DARS1: variants seen among roughly 807,000 people sequenced by gnomAD.
DARS1 encodes the protein aspartate--tRNA ligase, cytoplasmic.
In DARS1, 51 loss-of-function variants were observed where a neutral mutation model predicts 68.8. The ratio of observed to expected loss-of-function variants is 0.74; its 90% CI spans 0.59 to 0.94. The LOEUF (loss-of-function observed/expected upper bound fraction) is 0.94. Ranked by LOEUF, DARS1 falls within the 40% of genes least tolerant of loss-of-function variation. The pLI is 0.00. For synonymous variants in DARS1, 203 were observed against 190.4 expected (o/e 1.07, Z -0.55); for missense variants, 607 against 597.3 (o/e 1.02, Z -0.17).
At chr2:135,978,785 G>A (rs957557108) in intron 3 of DARS1, among the ~76,000 whole-genome samples, 1 of 152,110 alleles carries the variant, frequency 6.6e-6, no homozygotes, top group African/African-American at 2.4e-5. Context: ...CTAGTGTGAC[G>A]GAATTACTGA....
At chr2:135,914,540 G>GAAACA in intron 11 of DARS1, 29 bp from the exon 12 acceptor site, 2 of 1,224,346 alleles carry the variant, frequency 1.6e-6, no homozygotes, top group Non-Finnish European at 2.4e-6. Context: ...ATCAGTGTTT[G>GAAACA]AAGATCAAAT....
At chr2:135,960,434 A>G (rs982590544) in intron 4 of DARS1, among the ~76,000 whole-genome samples, 2 of 152,206 alleles carry the variant, frequency 1.3e-5, no homozygotes, top group Admixed American at 6.5e-5. Context: ...ATTGAATTAG[A>G]TAATTTTTAA....
At chr2:135,909,471 C>T (rs1388799704) in intron 15 of DARS1, among the ~76,000 whole-genome samples, 1 of 152,062 alleles carries the variant, frequency 6.6e-6, no homozygotes, top group Non-Finnish European at 1.5e-5. Context: ...ATCTTGCATA[C>T]CTATATTTTT....
At chr2:135,933,360 A>G (rs527640760) in intron 6 of DARS1, among the ~76,000 whole-genome samples, 3 of 152,368 alleles carry the variant, frequency 2.0e-5, no homozygotes, top group African/African-American at 4.8e-5. Context: ...GATGTGTATT[A>G]TCACAATAGA....
intron 3 of DARS1, among the ~76,000 whole-genome samples, chr2:135,977,019 G>C (rs1390171273): frequency 6.6e-6 from 1 of 152,078 alleles, no homozygotes. Flanking sequence ...CTTATTATGT[G>C]TTGTGTACCA....
At position 135,985,469 on chromosome 2, in the gene DARS1, C is replaced by CGGGACACGGAACTGGGCAG; in HGVS notation, c.-20_-2dup. ...TGCGGCTGGCGCTGGCGCTGGGCATCGGGACACGGAACTGGGCAGTGGACA... is the reference window on the plus strand; with the variant it reads ...TGCGGCTGGCGCTGGCGCTGGGCATCGGGACACGGAACTGGGCAGGGGACACGGAACTGGGCAGTGGACA... On this transcript the variant is annotated 5_prime_UTR_variant, in exon 1 of 16. Coordinates refer to ENST00000264161, the MANE Select transcript of DARS1 (RefSeq NM_001349.4). 6.2e-7 allele frequency: 1 copy of CGGGACACGGAACTGGGCAG among 1,613,948 alleles called. No individual in the cohort carries two copies. The highest frequency in any genetic ancestry group is 8.5e-7 in the Non-Finnish European group (1 of 1,179,952).
chr2:135,985,067 G>T (rs1210491680), intron 1 of DARS1: 2 of 362,588 alleles, frequency 5.5e-6, no homozygotes, highest in African/African-American at 2.0e-5. Flanking sequence ...TTTTCCCAGG[G>T]ATTGTGCATT....
chr2:135,966,634 T>G (rs1457769840), intron 3 of DARS1, among the ~76,000 whole-genome samples: 1 of 152,140 alleles, frequency 6.6e-6, no homozygotes, highest in Non-Finnish European at 1.5e-5. Flanking sequence ...TGGGTTCAAG[T>G]GATTCTCCTG....
chr2:135,985,085 G>A (rs745655330), intron 1 of DARS1: 6 of 434,486 alleles, frequency 1.4e-5, no homozygotes, highest in South Asian at 8.1e-5. Context: ...ATTACGTGCA[G>A]GACGTGCCTA....
chr2:135,907,261 T>TTTTTTTTTTTTTTGGG lies in DARS1; in HGVS notation c.*54_*55insCCCAAAAAAAAAAAAA. 1.1e-6 allele frequency: 1 copy of TTTTTTTTTTTTTTGGG among 889,240 alleles called. No homozygotes were observed. The highest frequency in any genetic ancestry group is 1.7e-6 in the Non-Finnish European group (1 of 601,876). The allele number at this position is 889,240 out of a possible 1,614,324, so 55.1% of individuals were successfully genotyped here. ...GGCTTTCTTTTTTTTTTTTTTTTTT[T>TTTTTTTTTTTTTTGGG]GAGGCAGGGTCTCGCTCTGTCATCC... On this transcript the variant is annotated 3_prime_UTR_variant, in exon 16 of 16. Transcript: ENST00000264161.
In DARS1 at chr2:135,942,539, G is replaced by A. The variant is rs1055911652; in HGVS notation, c.423+839C>T. On this transcript the variant is annotated intron_variant, in intron 5 of 15. Transcript: ENST00000264161. Reference sequence around the variant, plus strand: ...GGAGGGGGGAGGGACAGCATCAGGAGATATACCTAATGTAAATGACGAGTT... The same window carrying A: ...GGAGGGGGGAGGGACAGCATCAGGAAATATACCTAATGTAAATGACGAGTT... Among the ~76,000 whole-genome samples the A allele has an allele frequency of 3.3e-5, 5 of 151,322 alleles. No homozygotes were observed. The East Asian group carries it at 9.7e-4, about 29-fold the overall frequency.
chr2:135,960,700 T>C, intron 4 of DARS1, among the ~76,000 whole-genome samples: 1 of 151,944 alleles, frequency 6.6e-6, no homozygotes, highest in East Asian at 1.9e-4. Flanking sequence ...AAAAAAAACA[T>C]GAAACAAAAT....
rs746447025 is a variant in DARS1, at chr2:135,985,552, A to C, written c.-84T>G. Reference sequence around the variant, plus strand: ...CCAAAGGGGCTTCTCCCTCCCTCCCAGTCTCCGCCCTCCCGACCCTGGGGT... The same window carrying C: ...CCAAAGGGGCTTCTCCCTCCCTCCCCGTCTCCGCCCTCCCGACCCTGGGGT... On this transcript the variant is annotated 5_prime_UTR_variant, in exon 1 of 16. Transcript: ENST00000264161. 2 of 1,603,826 alleles carry C rather than the reference A, an allele frequency of 1.2e-6. No individual in the cohort carries two copies. Among genetic ancestry groups the C allele is most frequent in the South Asian group, 1.1e-5 (1 of 89,412 alleles).
intron 7 of DARS1, among the ~76,000 whole-genome samples, chr2:135,925,433 T>C (rs1327885517): frequency 1.3e-5 from 2 of 152,200 alleles, no homozygotes; most frequent in African/African-American, 4.8e-5. Flanking sequence ...ACTTCTCCCA[T>C]ATCAAAGGGC....
chr2:135,985,440 C>T lies in DARS1; in HGVS notation c.29G>A (p.Ser10Asn), dbSNP rs1682756437. 6.2e-7 allele frequency: 1 copy of T among 1,613,950 alleles called. No homozygotes were observed. The highest frequency in any genetic ancestry group is 1.3e-5 in the African/African-American group (1 of 74,942). ...CATGATCTCCCGCGGCTTCTCCTGACTCTTGCGGCTGGCGCTGGCGCTGGG... is the reference window on the plus strand; with the variant it reads ...CATGATCTCCCGCGGCTTCTCCTGATTCTTGCGGCTGGCGCTGGCGCTGGG... MPSASASRK[S>N]QEKPREIMDA... Residue 10 changes from serine to asparagine, a missense_variant, in exon 1 of 16, where the codon AGT (serine) becomes AAT (asparagine). Physicochemically the swap from Ser to Asn is conservative, Grantham distance 46. Transcript: ENST00000264161.
chr2:135,923,931 C>T (rs774218532), intron 8 of DARS1, among the ~76,000 whole-genome samples: 4 of 152,082 alleles, frequency 2.6e-5, no homozygotes, highest in South Asian at 2.1e-4. Flanking sequence ...GCAGGAGAAT[C>T]GCTTGAACCT....
intron 4 of DARS1, among the ~76,000 whole-genome samples, chr2:135,947,132 C>T (rs538429971): frequency 1.8e-4 from 28 of 151,670 alleles, no homozygotes; most frequent in African/African-American, 5.3e-4. Context: ...AGCCCAGGCA[C>T]GGTGGCTCAT....
intron 5 of DARS1, among the ~76,000 whole-genome samples, chr2:135,937,280 G>A (rs1029586171): frequency 6.6e-6 from 1 of 151,996 alleles, no homozygotes; most frequent in East Asian, 1.9e-4. Flanking sequence ...GTAGAAACAA[G>A]GTTTCGCCAT....
chr2:135,982,005 T>C (rs1682642923), intron 2 of DARS1, among the ~76,000 whole-genome samples: 1 of 152,116 alleles, frequency 6.6e-6, no homozygotes, highest in Non-Finnish European at 1.5e-5. Context: ...GCAAATCAAA[T>C]ATAACAATAA....
Sources: gnomAD v4.1 joint callset for allele counts (sites outside exome capture counted in the v4.1 genomes callset) on GRCh38, gnomAD v4.1.1 for gene constraint, MANE v1.5 for transcripts, NCBI Gene and HGNC (gene_info 2026-07-23, HGNC 2026-07-21) for gene names.